DEFB106A: variants seen among roughly 807,000 people sequenced by gnomAD.
DEFB106A encodes the protein defensin beta 106A.
For missense variants in DEFB106A, 4 were observed against 63.7 expected, an observed-to-expected ratio of 0.06 and a Z score of 3.19; for synonymous variants, 1 against 22.5, an observed-to-expected ratio of 0.04 and a Z score of 2.70.
chr8:7,828,297 TGGA>T (rs1375233363), intron 1 of DEFB106A, among the ~76,000 whole-genome samples: 2 of 136,314 alleles, frequency 1.5e-5, no homozygotes, highest in Admixed American at 1.5e-4. Context: ...TTGGTGAATA[TGGA>T]GGAGAAATCA....
At position 7,829,032 on chromosome 8, in the gene DEFB106A, T is replaced by G. The variant is rs1817506231; in HGVS notation, c.*79T>G. ...CTTGCCTCTGCTGTAGGCAGACACT[T>G]TAATAAAAATAAATGACTGTCTTTG... On this transcript the variant is annotated 3_prime_UTR_variant, in exon 2 of 2. Transcript: ENST00000335186. 1 of 605,110 alleles carries G rather than the reference T, an allele frequency of 1.7e-6. No homozygotes were observed. Among genetic ancestry groups the G allele is most frequent in the East Asian group, 3.1e-5 (1 of 32,314 alleles). The allele number at this position is 605,110 out of a possible 1,614,324, so 37.5% of individuals were successfully genotyped here.
rs377561805 is a variant in DEFB106A, at chr8:7,827,556, A to G, written c.50-1249A>G. Among the ~76,000 whole-genome samples, 49 of 121,366 alleles carry G rather than the reference A, an allele frequency of 4.0e-4. No homozygotes were observed. In the East Asian group the frequency reaches 7.1e-3, roughly 18 times the overall value. The allele number at this position is 121,366 out of a possible 152,430, so 79.6% of individuals were successfully genotyped here. A position where few individuals can be genotyped will look rare whatever the true frequency, so the allele number is the denominator to read the frequency against. ...TACATAGTATAGTGTACATACTAGT[A>G]TAATACACTAGTATATAGTATAGTA... On this transcript the variant is annotated intron_variant, in intron 1 of 1. Transcript: ENST00000335186.
intron 1 of DEFB106A, among the ~76,000 whole-genome samples, chr8:7,826,668 ATATTTTT>A: frequency 1.2e-5 from 1 of 80,226 alleles, no homozygotes; most frequent in East Asian, 6.5e-4. Context: ...ATATATATAC[ATATTTTT>A]TTTTTTTTTT....
intron 1 of DEFB106A, among the ~76,000 whole-genome samples, chr8:7,826,310 C>T (rs546774905): frequency 2.1e-4 from 32 of 150,292 alleles, no homozygotes; most frequent in African/African-American, 7.3e-4. Context: ...ATCACTCATA[C>T]TTATTATATA....
chr8:7,828,213 GAAAATCTTAGA>G (rs1440641987), intron 1 of DEFB106A, among the ~76,000 whole-genome samples: 3 of 149,726 alleles, frequency 2.0e-5, no homozygotes, highest in Non-Finnish European at 4.5e-5. Flanking sequence ...AATGAACTGA[GAAAATCTTAGA>G]AAAACATTCC....
intron 1 of DEFB106A, among the ~76,000 whole-genome samples, chr8:7,827,261 G>A (rs1333566568): frequency 3.1e-5 from 2 of 64,950 alleles, no homozygotes; most frequent in African/African-American, 8.1e-5. Context: ...GTATATACTA[G>A]TATAATACTC....
intron 1 of DEFB106A, among the ~76,000 whole-genome samples, chr8:7,827,390 T>C (rs1204869230): frequency 1.6e-5 from 2 of 122,838 alleles, no homozygotes; most frequent in Non-Finnish European, 3.3e-5. Flanking sequence ...CACTAATATA[T>C]AGTATAGTGT....
intron 1 of DEFB106A, among the ~76,000 whole-genome samples, chr8:7,827,711 T>C (rs1817457763): frequency 7.4e-6 from 1 of 135,288 alleles, no homozygotes; most frequent in Non-Finnish European, 1.6e-5. Flanking sequence ...ACTAGTATTT[T>C]TATAGTATAT....
chr8:7,827,461 G>C (rs1171240686), intron 1 of DEFB106A, among the ~76,000 whole-genome samples: 1 of 100,030 alleles, frequency 1.0e-5, no homozygotes, highest in East Asian at 3.0e-4. Flanking sequence ...CTAGTATATA[G>C]TATAGTATAT....
At chr8:7,827,814 C>T (rs1165118452) in intron 1 of DEFB106A, among the ~76,000 whole-genome samples, 1 of 141,310 alleles carries the variant, frequency 7.1e-6, no homozygotes, top group Non-Finnish European at 1.6e-5. Flanking sequence ...TAGTATCTGC[C>T]TTACAGTAGG....
intron 1 of DEFB106A, among the ~76,000 whole-genome samples, chr8:7,826,423 T>C (rs1269991383): frequency 6.7e-6 from 1 of 148,882 alleles, no homozygotes; most frequent in Non-Finnish European, 1.5e-5. Context: ...TAATTACAGA[T>C]ACTTATCTAT....
intron 1 of DEFB106A, among the ~76,000 whole-genome samples, chr8:7,826,931 G>C (rs1436377495): frequency 3.3e-5 from 4 of 121,728 alleles, no homozygotes; most frequent in Non-Finnish European, 7.0e-5. Flanking sequence ...GCCTCCCAAA[G>C]TGCTGGGATT....
intron 1 of DEFB106A, among the ~76,000 whole-genome samples, 179 bp from the exon 2 acceptor site, chr8:7,828,626 G>A (rs200712662): frequency 0.19 from 4,358 of 23,328 alleles, 49 homozygotes; most frequent in Non-Finnish European, 0.23. Flanking sequence ...TTCACCCTGT[G>A]TGACTATGAG....
intron 1 of DEFB106A, among the ~76,000 whole-genome samples, chr8:7,827,854 G>A (rs542075688): frequency 1.4e-5 from 2 of 141,454 alleles, no homozygotes; most frequent in Non-Finnish European, 1.6e-5. Context: ...CTGCCAGTGA[G>A]AGCCAGAGTT....
intron 1 of DEFB106A, among the ~76,000 whole-genome samples, chr8:7,827,783 G>A (rs1817460988): frequency 7.1e-6 from 1 of 140,878 alleles, no homozygotes; most frequent in African/African-American, 2.5e-5. Context: ...CCACGCTATA[G>A]TCTATAGTAT....
intron 1 of DEFB106A, among the ~76,000 whole-genome samples, chr8:7,826,629 A>G (rs1817405512): frequency 1.4e-5 from 2 of 143,602 alleles, no homozygotes; most frequent in Middle Eastern, 3.9e-3. Flanking sequence ...TATATACTAT[A>G]TAGTATTGTA....
rs182925696 is a variant in DEFB106A, at chr8:7,827,251, G to T, written c.50-1554G>T. Among the ~76,000 whole-genome samples, 101 of 38,146 alleles carry T rather than the reference G, an allele frequency of 2.6e-3. 1 individual carries two copies. Among genetic ancestry groups the T allele is most frequent in the African/African-American group, 6.1e-3 (99 of 16,138 alleles). 25.0% of individuals were successfully genotyped at this position (38,146 alleles called of 152,430 possible). ...TATATACACTAGTATACAGTATAGT[G>T]TATATACTAGTATAATACTCTAGCA... On this transcript the variant is annotated intron_variant, in intron 1 of 1. Coordinates refer to ENST00000335186, the MANE Select transcript of DEFB106A (RefSeq NM_152251.4).
chr8:7,827,776 C>T lies in DEFB106A; in HGVS notation c.50-1029C>T, dbSNP rs562800130. Among the ~76,000 whole-genome samples the T allele has an allele frequency of 7.7e-4, 108 of 139,356 alleles. 7 individuals are homozygous for T. The highest frequency in any genetic ancestry group is 1.4e-3 in the Non-Finnish European group (85 of 62,054). The allele number at this position is 139,356 out of a possible 152,430, so 91.4% of individuals were successfully genotyped here. ...CCAAAAAGATTTTATCTGAATACCA[C>T]GCTATAGTCTATAGTATAGTATTAT... On this transcript the variant is annotated intron_variant, in intron 1 of 1. Transcript: ENST00000335186.
intron 1 of DEFB106A, among the ~76,000 whole-genome samples, chr8:7,828,138 G>A (rs1232468673): frequency 6.7e-6 from 1 of 148,532 alleles, no homozygotes. Flanking sequence ...TCCTTAACTT[G>A]AAGCAGGCTG....
Sources: allele counts gnomAD v4.1 joint callset (sites outside exome capture counted in the v4.1 genomes callset), GRCh38; gene constraint gnomAD v4.1.1; transcripts MANE v1.5; gene names NCBI Gene and HGNC (gene_info 2026-07-23, HGNC 2026-07-21).